Variants in SIN3B observed in about 807,000 individuals in gnomAD.
SIN3B encodes the protein paired amphipathic helix protein Sin3b.
A neutral mutation model predicts 120.2 loss-of-function variants in SIN3B; 19 were observed. The observed-to-expected ratio is 0.16, with a 90% CI of 0.11 to 0.23. The LOEUF (loss-of-function observed/expected upper bound fraction) is 0.23, where lower values mean the gene tolerates loss of function less well. Ranked by LOEUF, SIN3B falls within the 10% of genes least tolerant of loss-of-function variation. SIN3B has a pLI of 1.00. For missense variants in SIN3B, 1,073 were observed against 1,573.0 expected (o/e 0.68, Z 5.38); for synonymous variants, 654 against 653.2 (o/e 1.00, Z -0.02).
chr19:16,878,178 C>A lies in SIN3B; in HGVS notation c.2955-5C>A. On this transcript the variant is annotated splice_polypyrimidine_tract_variant and splice_region_variant and intron_variant, in intron 17 of 18. Coordinates refer to ENST00000248054, the MANE Select transcript of SIN3B (RefSeq NM_001297595.2). The stretch of plus-strand genomic sequence containing the variant: ...AGAGTCCATTCCACCTCCTTTCGCC[C>A]CCAGGAACCTCAAGAAGTTCCGCCG... 1 of 1,560,824 alleles carries A rather than the reference C, an allele frequency of 6.4e-7. No homozygotes were observed. The highest frequency in any genetic ancestry group is 1.2e-5 in the South Asian group (1 of 85,202).
rs554944484 is a variant in SIN3B at position 16,865,713 on chromosome 19, T to TA, written c.1622+65_1622+66insA. The TA allele has an allele frequency of 9.0e-4, 677 of 748,288 alleles. 10 individuals carry two copies. The East Asian group carries it at 0.028, about 31-fold the overall frequency. 46.4% of individuals were successfully genotyped at this position (748,288 alleles called of 1,614,324 possible). A position where few individuals can be genotyped will look rare whatever the true frequency, so the allele number is the denominator to read the frequency against. ...CCCCCTTCCCTCCCCTCCCCTCCCC[T>TA]CCCCTCCCCACTGCAGGGAGCCCTT... On this transcript the variant is annotated intron_variant, in intron 11 of 18. Coordinates refer to ENST00000248054, the MANE Select transcript of SIN3B (RefSeq NM_001297595.2).
At chr19:16,873,886 T>C (rs1304857490) in intron 14 of SIN3B, among the ~76,000 whole-genome samples, 1 of 152,196 alleles carries the variant, frequency 6.6e-6, no homozygotes, top group African/African-American at 2.4e-5. Flanking sequence ...AAATTAGCAT[T>C]GCTGTTTTTT....
At chr19:16,852,220 G>A (rs1024129061) in intron 6 of SIN3B, among the ~76,000 whole-genome samples, 2 of 151,852 alleles carry the variant, frequency 1.3e-5, no homozygotes, top group Admixed American at 1.3e-4. Context: ...TCCGCCTCCC[G>A]GGTTCACGCC....
At chr19:16,836,148 G>A (rs1287224428) in intron 3 of SIN3B, among the ~76,000 whole-genome samples, 1 of 152,148 alleles carries the variant, frequency 6.6e-6, no homozygotes, top group Non-Finnish European at 1.5e-5. Flanking sequence ...TTATGGCGAG[G>A]TGCCGTCCTG....
intron 2 of SIN3B, among the ~76,000 whole-genome samples, chr19:16,831,155 C>T (rs7253285): frequency 0.036 from 5,493 of 151,918 alleles, 310 homozygotes; most frequent in African/African-American, 0.12. Flanking sequence ...CTCCGCCTCC[C>T]GGGTGCAAGT....
intron 8 of SIN3B, among the ~76,000 whole-genome samples, chr19:16,858,872 C>G (rs760194993): frequency 4.6e-5 from 7 of 152,136 alleles, no homozygotes; most frequent in Non-Finnish European, 8.8e-5. Flanking sequence ...ATTGATTGAA[C>G]CCAGGAAGCA....
chr19:16,837,824 C>T (rs868178026), intron 3 of SIN3B, among the ~76,000 whole-genome samples: 3 of 152,110 alleles, frequency 2.0e-5, no homozygotes, highest in Middle Eastern at 3.4e-3. Flanking sequence ...ATGCCTGATT[C>T]TCTGGGTAAA....
intron 12 of SIN3B, among the ~76,000 whole-genome samples, chr19:16,868,441 G>A (rs562509857): frequency 1.1e-4 from 17 of 152,328 alleles, no homozygotes; most frequent in Admixed American, 9.8e-4. Flanking sequence ...TGAGGGGGTT[G>A]GGGCTGCCCA....
chr19:16,873,086 T>C (rs2051533723), intron 14 of SIN3B, among the ~76,000 whole-genome samples: 1 of 151,800 alleles, frequency 6.6e-6, no homozygotes, highest in Admixed American at 6.6e-5. Context: ...GTGTCCTCCC[T>C]GGGGCTCAGG....
intron 8 of SIN3B, among the ~76,000 whole-genome samples, chr19:16,858,991 T>G (rs1445431044): frequency 6.6e-6 from 1 of 151,910 alleles, no homozygotes; most frequent in Non-Finnish European, 1.5e-5. Flanking sequence ...GGCAACATAG[T>G]GAGACCTCGT....
chr19:16,858,103 C>G (rs753544976), intron 8 of SIN3B, among the ~76,000 whole-genome samples: 2 of 152,180 alleles, frequency 1.3e-5, no homozygotes. Context: ...TCTCAAACTC[C>G]TGGCCTCAAG....
intron 16 of SIN3B, 76 bp from the exon 17 acceptor site, chr19:16,877,457 TGTGAGCTCCTGA>T: frequency 1.0e-6 from 1 of 961,326 alleles, no homozygotes; most frequent in East Asian, 2.6e-5. Flanking sequence ...ACAGAACCCC[TGTGAGCTCCTGA>T]ACTCAGAGTC....
intron 8 of SIN3B, among the ~76,000 whole-genome samples, chr19:16,861,707 G>A (rs1366645329): frequency 6.6e-6 from 1 of 151,006 alleles, no homozygotes; most frequent in African/African-American, 2.4e-5. Flanking sequence ...AGGTTGAAGT[G>A]AGCCGAGATT....
rs562381038 is a variant in SIN3B at position 16,834,888 on chromosome 19, C to T, written c.381+3241C>T. Reference sequence around the variant, plus strand: ...TCACAGGGTTTCCCACACACAGAGGCCCTGGTGATATTCTTTCTTTCTTTC... The same window carrying T: ...TCACAGGGTTTCCCACACACAGAGGTCCTGGTGATATTCTTTCTTTCTTTC... On this transcript the variant is annotated intron_variant, in intron 3 of 18. Transcript: ENST00000248054. Among the ~76,000 whole-genome samples the T allele has an allele frequency of 8.6e-5, 13 of 151,960 alleles. 1 individual carries two copies. In the East Asian group the frequency reaches 2.3e-3, roughly 27 times the overall value.
At position 16,831,514 on chromosome 19, in the gene SIN3B, T is replaced by C. The variant is rs1364789551; in HGVS notation, c.248T>C (p.Ile83Thr). ...KSQSIDTPGV[I>T]RRVSQLFHEH... The stretch of plus-strand genomic sequence containing the variant: ...TCTAGCATCGATACTCCTGGAGTCA[T>C]CAGACGTGTCTCGCAGCTCTTCCAC... Residue 83 changes from isoleucine (I) to threonine (T), a missense_variant, in exon 3 of 19, where the codon ATC becomes ACC. This residue lies in a region of SIN3B where 395 missense variants were observed against 528.0 expected (regional missense o/e 0.75). Coordinates refer to ENST00000248054, the MANE Select transcript of SIN3B (RefSeq NM_001297595.2). 1.2e-6 allele frequency: 2 copies of C among 1,614,020 alleles called. No homozygotes were observed. Among genetic ancestry groups the C allele is most frequent in the African/African-American group, 2.7e-5 (2 of 74,934 alleles).
In SIN3B at chr19:16,876,585, C is replaced by T. The variant is rs773671170; in HGVS notation, c.2859+7C>T. ...GGACCCTGTGGAGGTCCAGGTGAGG[C>T]CCTGGCCCCAGTCTGTGCCACGCAT... is the stretch of plus-strand genomic sequence containing the variant. On this transcript the variant is annotated splice_region_variant and intron_variant, in intron 16 of 18. Transcript: ENST00000248054. The surrounding 1 kb of genome is among the most constrained non-coding windows in gnomAD (Gnocchi z 7.1). The T allele has an allele frequency of 6.2e-7, 1 of 1,608,894 alleles. No individual in the cohort carries two copies. The highest frequency in any genetic ancestry group is 1.7e-5 in the Admixed American group (1 of 59,918).
rs377449619 is a variant in SIN3B, at chr19:16,841,753, T to C, written c.382-15T>C. The C allele has an allele frequency of 8.1e-6, 13 of 1,612,240 alleles. No individual in the cohort carries two copies. In the African/African-American group the frequency reaches 1.3e-4, roughly 17 times the overall value. On this transcript the variant is annotated splice_polypyrimidine_tract_variant and intron_variant, in intron 3 of 18. Transcript: ENST00000248054. ...CAGTGTCGGGCCTGGCAGTAACTCATTGTCGCCTTGTCAGGAGAATTCGCA... is the reference window on the plus strand; with the variant it reads ...CAGTGTCGGGCCTGGCAGTAACTCACTGTCGCCTTGTCAGGAGAATTCGCA...
intron 3 of SIN3B, among the ~76,000 whole-genome samples, chr19:16,834,832 G>C (rs1179247131): frequency 1.3e-5 from 2 of 152,082 alleles, no homozygotes; most frequent in Admixed American, 1.3e-4. Context: ...CGGCTCCCTG[G>C]AGTCCTTTGA....
intron 13 of SIN3B, among the ~76,000 whole-genome samples, chr19:16,870,624 C>A (rs183351657): frequency 6.6e-6 from 1 of 152,218 alleles, no homozygotes; most frequent in East Asian, 1.9e-4. Context: ...ATGATCTCGG[C>A]TCACTGCAGC....
Sources: allele counts gnomAD v4.1 joint callset (sites outside exome capture counted in the v4.1 genomes callset), GRCh38; gene constraint gnomAD v4.1.1; regional missense constraint gnomAD v4.1.1; non-coding constraint Gnocchi (gnomAD v3.1); transcripts MANE v1.5; gene names NCBI Gene and HGNC (gene_info 2026-07-23, HGNC 2026-07-21).